ALG8: variants seen among roughly 807,000 people sequenced by gnomAD.
ALG8 encodes dolichyl pyrophosphate Glc1Man9GlcNAc2 alpha-1,3-glucosyltransferase.
In ALG8, 48 loss-of-function variants were observed where a neutral mutation model predicts 70.2. The observed-to-expected ratio is 0.68, with a 90% CI of 0.54 to 0.87. ALG8 has a LOEUF of 0.87. ALG8 is among the 40% of genes least tolerant of loss of function. The pLI is 0.00. For synonymous variants in ALG8, 234 were observed against 229.0 expected, an observed-to-expected ratio of 1.02 and a Z score of -0.20; for missense variants, 572 against 608.7, an observed-to-expected ratio of 0.94 and a Z score of 0.64.
chr11:78,108,841 G>T (rs1860157076), intron 9 of ALG8, among the ~76,000 whole-genome samples: 1 of 152,174 alleles, frequency 6.6e-6, no homozygotes, highest in Admixed American at 6.5e-5. Context: ...ATTATCGATA[G>T]GATTGAGTTG....
chr11:78,134,747 T>G (rs986660673), intron 1 of ALG8, among the ~76,000 whole-genome samples: 5 of 152,234 alleles, frequency 3.3e-5, no homozygotes, highest in African/African-American at 1.2e-4. Context: ...CCACTCAAGT[T>G]GTATCATGAG....
chr11:78,134,718 A>G (rs1472332700), intron 1 of ALG8, among the ~76,000 whole-genome samples: 1 of 152,224 alleles, frequency 6.6e-6, no homozygotes, highest in Non-Finnish European at 1.5e-5. Flanking sequence ...CTGCTCATCC[A>G]TGAGAAGTAA....
At chr11:78,102,309 C>T (rs952775483) in intron 12 of ALG8, among the ~76,000 whole-genome samples, 3 of 152,140 alleles carry the variant, frequency 2.0e-5, no homozygotes, top group Non-Finnish European at 2.9e-5. Flanking sequence ...ATCAGTGGAA[C>T]GATATGATAT....
At chr11:78,136,449 G>A (rs1000389042) in intron 1 of ALG8, among the ~76,000 whole-genome samples, 17 of 152,096 alleles carry the variant, frequency 1.1e-4, no homozygotes, top group Non-Finnish European at 4.4e-5. Flanking sequence ...AGGGAGGAAG[G>A]CTGCTCAAGC....
intron 5 of ALG8, among the ~76,000 whole-genome samples, chr11:78,118,033 T>A (rs1197454180): frequency 6.9e-6 from 1 of 145,610 alleles, no homozygotes; most frequent in Non-Finnish European, 1.5e-5. Flanking sequence ...ATCGCGCCAC[T>A]GCACTCCAGC....
chr11:78,108,431 A>G (rs1216408590), intron 9 of ALG8, among the ~76,000 whole-genome samples: 2 of 151,468 alleles, frequency 1.3e-5, no homozygotes, highest in Non-Finnish European at 3.0e-5. Context: ...CTCTGTCTCA[A>G]AAAAAAAAGA....
At chr11:78,128,044 C>A (rs1211715749) in intron 1 of ALG8, among the ~76,000 whole-genome samples, 1 of 152,208 alleles carries the variant, frequency 6.6e-6, no homozygotes, top group Non-Finnish European at 1.5e-5. Context: ...GGCCTTTGCT[C>A]AGAAGTGACT....
At chr11:78,132,864 TCTCA>T (rs1861364881) in intron 1 of ALG8, among the ~76,000 whole-genome samples, 1 of 139,192 alleles carries the variant, frequency 7.2e-6, no homozygotes, top group African/African-American at 2.7e-5. Flanking sequence ...TTAGATGGAG[TCTCA>T]CTCTGTCGAC....
At chr11:78,137,310 G>T (rs1185752366) in intron 1 of ALG8, 1 of 152,264 alleles carries the variant, frequency 6.6e-6, no homozygotes, top group African/African-American at 2.4e-5. Context: ...TTAAGGGAAT[G>T]TTATGGCTGG....
At chr11:78,125,741 G>A (rs889250373) in intron 2 of ALG8, among the ~76,000 whole-genome samples, 4 of 152,094 alleles carry the variant, frequency 2.6e-5, no homozygotes, top group African/African-American at 7.2e-5. Flanking sequence ...CCAGGAGGCA[G>A]AGGTCGCCAG....
In ALG8 at chr11:78,114,262, T is replaced by C. The variant is rs1470636347; in HGVS notation, c.673+4A>G. The C allele has an allele frequency of 8.7e-6, 14 of 1,613,964 alleles. No homozygotes were observed. Among genetic ancestry groups the C allele is most frequent in the African/African-American group, 1.3e-5 (1 of 74,932 alleles). On this transcript the variant is annotated splice_donor_region_variant and intron_variant, in intron 6 of 12. Coordinates refer to ENST00000299626, the MANE Select transcript of ALG8 (RefSeq NM_024079.5). ...ATGTTTTTGCTATTATTACCAAAAC[T>C]TGCCTGGTTTATTTGCAGTGAAACA...
At chr11:78,117,837 G>A (rs1590821481) in intron 5 of ALG8, among the ~76,000 whole-genome samples, 1 of 151,562 alleles carries the variant, frequency 6.6e-6, no homozygotes, top group African/African-American at 2.4e-5. Context: ...CACTTTGGGA[G>A]GCCGAGGTGG....
chr11:78,118,007 C>A (rs1349313366), intron 5 of ALG8, among the ~76,000 whole-genome samples: 1 of 141,224 alleles, frequency 7.1e-6, no homozygotes, highest in Non-Finnish European at 1.5e-5. Context: ...GGAGAAGGAG[C>A]TTGCAGTGAG....
intron 1 of ALG8, chr11:78,133,543 A>AT (rs1305843786): frequency 6.6e-6 from 1 of 152,200 alleles, no homozygotes; most frequent in African/African-American, 2.4e-5. Context: ...GACCACCATA[A>AT]TGAAGTGAAT....
chr11:78,125,925 C>A (rs942174290), intron 2 of ALG8, among the ~76,000 whole-genome samples: 1 of 152,028 alleles, frequency 6.6e-6, no homozygotes, highest in Non-Finnish European at 1.5e-5. Context: ...TTTGGGAGGC[C>A]GAGGCGGGCA....
At chr11:78,115,913 A>C (rs1860541464) in intron 5 of ALG8, among the ~76,000 whole-genome samples, 1 of 152,224 alleles carries the variant, frequency 6.6e-6, no homozygotes, top group Non-Finnish European at 1.5e-5. Flanking sequence ...TGAGAACATG[A>C]ACAAATATAT....
At chr11:78,111,970 T>C (rs937273374) in intron 8 of ALG8, among the ~76,000 whole-genome samples, 3 of 152,096 alleles carry the variant, frequency 2.0e-5, no homozygotes, top group Non-Finnish European at 4.4e-5. Flanking sequence ...TCTTGTATGT[T>C]TAGGTTTAAA....
At chr11:78,126,979 AG>A (rs1475027504) in intron 2 of ALG8, among the ~76,000 whole-genome samples, 1 of 141,810 alleles carries the variant, frequency 7.1e-6, no homozygotes, top group African/African-American at 2.9e-5. Context: ...TATGATTGCA[AG>A]AAAATTTTTT....
intron 8 of ALG8, among the ~76,000 whole-genome samples, chr11:78,109,787 A>C (rs749602836): frequency 2.0e-5 from 3 of 152,334 alleles, no homozygotes; most frequent in Non-Finnish European, 4.4e-5. Context: ...AGCTCTTTGC[A>C]TTGGAACAGG....
Sources: gnomAD v4.1 joint callset for allele counts (sites outside exome capture counted in the v4.1 genomes callset) on GRCh38, gnomAD v4.1.1 for gene constraint, MANE v1.5 for transcripts, NCBI Gene and HGNC (gene_info 2026-07-23, HGNC 2026-07-21) for gene names.